The following CADM2 variants were observed in gnomAD, a reference collection of about 807,000 sequenced individuals.
CADM2 encodes the protein cell adhesion molecule 2, also known as immunoglobulin superfamily member 4D.
CADM2 carries 12 observed loss-of-function variants against 49.8 expected under a neutral mutation model. That is an observed-to-expected ratio of 0.24 (90% CI 0.15 to 0.39). The LOEUF (loss-of-function observed/expected upper bound fraction) is 0.39, where lower values mean the gene tolerates loss of function less well. CADM2 is among the 10% of genes least tolerant of loss of function. The pLI, the probability that CADM2 is intolerant of heterozygous loss-of-function variation, is 1.00. For missense variants in CADM2, 378 were observed against 492.3 expected (o/e 0.77, Z 2.20); for synonymous variants, 214 against 175.4 (o/e 1.22, Z -1.74).
chr3:86,038,763 T>G (rs1578025631), intron 8 of CADM2, among the ~76,000 whole-genome samples: 2 of 152,328 alleles, frequency 1.3e-5, no homozygotes, highest in Admixed American at 1.3e-4. Flanking sequence ...TTTTCCAAGC[T>G]TATGAAGTAA....
chr3:85,538,953 T>C (rs577927327), intron 1 of CADM2, among the ~76,000 whole-genome samples: 1 of 152,166 alleles, frequency 6.6e-6, no homozygotes, highest in African/African-American at 2.4e-5. Context: ...AATATATGCT[T>C]TTTAAGACTG....
intron 8 of CADM2, chr3:86,012,449 C>G (rs574686560): frequency 7.6e-4 from 388 of 513,798 alleles, no homozygotes; most frequent in African/African-American, 5.9e-3. Context: ...CGCCCGCGCG[C>G]CGGCCCTGCA....
chr3:85,651,232 T>A (rs956094669), intron 1 of CADM2, among the ~76,000 whole-genome samples: 1 of 152,172 alleles, frequency 6.6e-6, no homozygotes, highest in African/African-American at 2.4e-5. Context: ...CATTTTATGT[T>A]GAACTGGGTG....
chr3:85,278,924 C>A (rs936169569), intron 1 of CADM2, among the ~76,000 whole-genome samples: 1 of 151,372 alleles, frequency 6.6e-6, no homozygotes, highest in Non-Finnish European at 1.5e-5. Flanking sequence ...TAAAACCATA[C>A]TGATCTGTGA....
chr3:85,017,887 G>A (rs1381036924), intron 1 of CADM2, among the ~76,000 whole-genome samples: 9 of 152,130 alleles, frequency 5.9e-5, no homozygotes, highest in Non-Finnish European at 1.2e-4. Context: ...TATAGAGATA[G>A]AACCATCATT....
At chr3:85,110,962 T>A (rs1163700665) in intron 1 of CADM2, among the ~76,000 whole-genome samples, 1 of 151,922 alleles carries the variant, frequency 6.6e-6, no homozygotes, top group African/African-American at 2.4e-5. Context: ...TTTTGGAAGC[T>A]TTTGTTTATC....
At chr3:85,810,273 G>C (rs1043181907) in intron 3 of CADM2, among the ~76,000 whole-genome samples, 11 of 152,082 alleles carry the variant, frequency 7.2e-5, no homozygotes, top group African/African-American at 2.4e-4. Context: ...GCTGATCCCA[G>C]ATGAAAACCA....
rs541785767 is a variant in CADM2, at chr3:85,282,401, A to G, written c.61+322733A>G. Among the ~76,000 whole-genome samples, 723 of 149,484 alleles carry G rather than the reference A, an allele frequency of 4.8e-3. 6 individuals are homozygous for G. The highest frequency in any genetic ancestry group is 0.017 in the African/African-American group (700 of 40,564). On this transcript the variant is annotated intron_variant, in intron 1 of 9. Transcript: ENST00000383699. The stretch of plus-strand genomic sequence containing the variant: ...CATAGCCTCCCGAGTAGCTGGGACT[A>G]CAGGCGTGAGCCGCCACTCTTGGCC...
At chr3:85,950,675 T>G (rs1157802048) in intron 7 of CADM2, among the ~76,000 whole-genome samples, 1 of 151,140 alleles carries the variant, frequency 6.6e-6, no homozygotes, top group Non-Finnish European at 1.5e-5. Context: ...AAGAAGTGCC[T>G]TAAAAAATCA....
chr3:85,677,509 G>T (rs1182311800), intron 1 of CADM2, among the ~76,000 whole-genome samples: 1 of 151,994 alleles, frequency 6.6e-6, no homozygotes, highest in East Asian at 1.9e-4. Flanking sequence ...TATGAAGTAA[G>T]CTAAGAGTAT....
chr3:85,491,267 C>G (rs1216415948), intron 1 of CADM2, among the ~76,000 whole-genome samples: 1 of 152,058 alleles, frequency 6.6e-6, no homozygotes, highest in Non-Finnish European at 1.5e-5. Flanking sequence ...AGTTATATGA[C>G]AGCTGAGAGA....
At chr3:86,014,374 G>C in intron 8 of CADM2, 3 of 1,438,302 alleles carry the variant, frequency 2.1e-6, no homozygotes, top group South Asian at 1.6e-5. Context: ...GCAGCTGGTA[G>C]CTTGACTGTA....
chr3:85,947,334 C>G (rs1346247177), intron 7 of CADM2, among the ~76,000 whole-genome samples: 1 of 151,268 alleles, frequency 6.6e-6, no homozygotes, highest in African/African-American at 2.4e-5. Context: ...TATTCTTATA[C>G]CAGCAGTACT....
At chr3:85,473,710 T>A (rs2107613785) in intron 1 of CADM2, among the ~76,000 whole-genome samples, 1 of 152,188 alleles carries the variant, frequency 6.6e-6, no homozygotes, top group Non-Finnish European at 1.5e-5. Flanking sequence ...GTGAAGAACT[T>A]TGTGTTATAA....
intron 7 of CADM2, among the ~76,000 whole-genome samples, chr3:85,953,292 T>C (rs1257222370): frequency 1.3e-5 from 2 of 151,102 alleles, no homozygotes; most frequent in Non-Finnish European, 3.0e-5. Flanking sequence ...TACTCCCAAC[T>C]CAATTATCAT....
intron 7 of CADM2, among the ~76,000 whole-genome samples, chr3:85,937,253 G>A (rs1721281633): frequency 6.6e-6 from 1 of 151,816 alleles, no homozygotes; most frequent in Non-Finnish European, 1.5e-5. Context: ...AATCTTGGAT[G>A]TGTAATAATC....
intron 8 of CADM2, chr3:86,013,821 C>G (rs1731851966): frequency 6.3e-7 from 1 of 1,590,270 alleles, no homozygotes; most frequent in African/African-American, 1.3e-5. Context: ...TTGTCGTGGT[C>G]AGGCTTACAT....
intron 1 of CADM2, among the ~76,000 whole-genome samples, chr3:85,244,327 C>T (rs2042600992): frequency 6.6e-6 from 1 of 152,016 alleles, no homozygotes; most frequent in South Asian, 2.1e-4. Context: ...CAGCCAAAAA[C>T]CTTGCACAGT....
intron 2 of CADM2, among the ~76,000 whole-genome samples, chr3:85,730,479 TATA>T (rs2067884970): frequency 7.0e-6 from 1 of 143,848 alleles, no homozygotes; most frequent in Non-Finnish European, 1.5e-5. Flanking sequence ...TAAAATAAAA[TATA>T]AAAAATCTCA....
Sources: allele counts gnomAD v4.1 joint callset (sites outside exome capture counted in the v4.1 genomes callset), GRCh38; gene constraint gnomAD v4.1.1; transcripts MANE v1.5; gene names NCBI Gene and HGNC (gene_info 2026-07-23, HGNC 2026-07-21).